The following RPL5 variants were observed in gnomAD, a reference collection of about 807,000 sequenced individuals.
RPL5 encodes ribosomal protein L5.
A neutral mutation model predicts 38.4 loss-of-function variants in RPL5; 1 was observed. That is an observed-to-expected ratio of 0.03 (90% CI 0.01 to 0.12). The LOEUF (loss-of-function observed/expected upper bound fraction) is 0.12. Ranked by LOEUF, RPL5 falls within the 10% of genes least tolerant of loss-of-function variation. The pLI is 1.00. For missense variants in RPL5, 243 were observed against 374.1 expected, an observed-to-expected ratio of 0.65 and a Z score of 2.89; for synonymous variants, 109 against 121.2, an observed-to-expected ratio of 0.90 and a Z score of 0.66.
chr1:92,838,815 G>C (rs573336666), intron 6 of RPL5, among the ~76,000 whole-genome samples: 1 of 152,348 alleles, frequency 6.6e-6, no homozygotes, highest in African/African-American at 2.4e-5. Flanking sequence ...CTATAATAGA[G>C]TGCTAAAAGA....
In RPL5 at chr1:92,832,130, C is replaced by G; in HGVS notation, c.3+13C>G. 7 of 1,614,058 alleles carry G rather than the reference C, an allele frequency of 4.3e-6. No homozygotes were observed. Among genetic ancestry groups the G allele is most frequent in the Non-Finnish European group, 5.9e-6 (7 of 1,179,972 alleles). On this transcript the variant is annotated intron_variant, in intron 1 of 7. Coordinates refer to ENST00000370321, the MANE Select transcript of RPL5 (RefSeq NM_000969.5). ...GTTCCGCAGGATGGTGAGTGGATGCCTCGGTCTCGGGGCTTTAGATGCATG... is the reference window on the plus strand; with the variant it reads ...GTTCCGCAGGATGGTGAGTGGATGCGTCGGTCTCGGGGCTTTAGATGCATG...
In RPL5 at chr1:92,836,459, T is replaced by G. The variant is rs146547491; in HGVS notation, c.527+67T>G. The G allele has an allele frequency of 5.1e-4, 732 of 1,427,336 alleles. 2 individuals carry two copies. Among genetic ancestry groups the G allele is most frequent in the Non-Finnish European group, 6.9e-4 (694 of 1,011,690 alleles). 88.4% of individuals were successfully genotyped at this position (1,427,336 alleles called of 1,614,324 possible). A position where few individuals can be genotyped will look rare whatever the true frequency, so the allele number is the denominator to read the frequency against. ...CTTCCCTGTTTTTAACTAGTTGGAC[T>G]GTGGAGATAACCGAATTAAAGTAGC... On this transcript the variant is annotated intron_variant, in intron 5 of 7. Transcript: ENST00000370321.
chr1:92,832,561 A>G (rs1686951520), intron 1 of RPL5, among the ~76,000 whole-genome samples: 1 of 152,128 alleles, frequency 6.6e-6, no homozygotes, highest in Admixed American at 6.5e-5. Context: ...AGAATGTCGG[A>G]GCCGGCAAGT....
rs1441314275 is a variant in RPL5, at chr1:92,836,195, C to T, written c.330C>T (p.Leu110=). 1.2e-6 allele frequency: 2 copies of T among 1,612,062 alleles called. No individual in the cohort carries two copies. The highest frequency in any genetic ancestry group is 2.2e-5 in the East Asian group (1 of 44,878). Residue 110 remains leucine (L), a synonymous_variant, in exon 5 of 8, where the codon CTC becomes CTT. Transcript: ENST00000370321. ...CTGLLLARRL[L]NRFGMDKIYE... ...TACATTGGTTTCTTGAATAGCTTCT[C>T]AATAGGTTTGGCATGGACAAGATCT...
chr1:92,835,582 C>T (rs1446283240), intron 4 of RPL5, among the ~76,000 whole-genome samples: 1 of 150,918 alleles, frequency 6.6e-6, no homozygotes, highest in African/African-American at 2.4e-5. Context: ...ATCACTTGAA[C>T]CCAGAAGGCA....
chr1:92,841,092 C>T (rs187936081), intron 7 of RPL5, among the ~76,000 whole-genome samples: 19 of 152,258 alleles, frequency 1.2e-4, no homozygotes, highest in African/African-American at 4.3e-4. Flanking sequence ...GTGAAATGTA[C>T]GATATTCTAT....
intron 4 of RPL5, 154 bp downstream of exon 4, chr1:92,835,067 C>T (rs1390571361): frequency 9.4e-7 from 1 of 1,059,784 alleles, no homozygotes; most frequent in Non-Finnish European, 1.4e-6. Flanking sequence ...CTATCTAGGT[C>T]AGCTCTTTCC....
At chr1:92,832,038 G>C, upstream of RPL5, 2 of 1,603,600 alleles carry the variant, frequency 1.2e-6, no homozygotes, top group East Asian at 2.2e-5. Flanking sequence ...AAGGGCTGTG[G>C]CCCTTTTCCC....
At chr1:92,841,572 C>A (rs1687364223) in intron 7 of RPL5, among the ~76,000 whole-genome samples, 194 bp from the exon 8 acceptor site, 1 of 152,140 alleles carries the variant, frequency 6.6e-6, no homozygotes, top group Non-Finnish European at 1.5e-5. Flanking sequence ...AGTAGGACAT[C>A]ACAGAAGTTG....
Position 92,837,432 on chromosome 1 carries a change from A to G in RPL5, c.528-24A>G, listed in dbSNP as rs1458899932. 3.1e-6 allele frequency: 5 copies of G among 1,602,404 alleles called. No homozygotes were observed. In the East Asian group the frequency reaches 1.1e-4, roughly 36 times the overall value. On this transcript the variant is annotated intron_variant, in intron 5 of 7. Coordinates refer to ENST00000370321, the MANE Select transcript of RPL5 (RefSeq NM_000969.5). ...AAACTAAGTTAAGTGAGTCTATACT[A>G]AAATATGAATAACTTTATTTTAGTA...
chr1:92,833,750 TG>T, intron 3 of RPL5, 90 bp downstream of exon 3: 2 of 997,848 alleles, frequency 2.0e-6, no homozygotes, highest in Non-Finnish European at 3.1e-6. Context: ...TTAGAAGGGC[TG>T]TCTAGCACCT....
intron 4 of RPL5, 39 bp from the exon 5 acceptor site, chr1:92,836,151 A>C: frequency 6.4e-7 from 1 of 1,565,368 alleles, no homozygotes; most frequent in Non-Finnish European, 8.8e-7. Flanking sequence ...GAGCAGTTTG[A>C]ATAATTGAAA....
Position 92,836,300 on chromosome 1 carries a change from T to C in RPL5, c.435T>C (p.Tyr145=), listed in dbSNP as rs188046229. ...GTCAGCCAGGTGCCTTCACCTGCTA[T>C]TTGGATGCAGGCCTTGCCAGAACTA... ...IDGQPGAFTC[Y]LDAGLARTTT... The change falls in exon 5 of 8, where the codon TAT becomes TAC. Residue 145 remains tyrosine, a synonymous_variant. Transcript: ENST00000370321. 24 of 1,614,154 alleles carry C rather than the reference T, an allele frequency of 1.5e-5. No homozygotes were observed. In the East Asian group the frequency reaches 4.9e-4, roughly 33 times the overall value.
At chr1:92,838,400 G>T (rs763043623) in intron 6 of RPL5, among the ~76,000 whole-genome samples, 1 of 152,156 alleles carries the variant, frequency 6.6e-6, no homozygotes, top group Non-Finnish European at 1.5e-5. Context: ...TTTGGATTAT[G>T]ATTCTACTAG....
At chr1:92,840,167 T>C (rs2100695739) in intron 6 of RPL5, 1 of 258,314 alleles carries the variant, frequency 3.9e-6, no homozygotes, top group South Asian at 4.5e-5. Flanking sequence ...CCATTAATAA[T>C]TGCCACCTGG....
At chr1:92,834,103 A>G (rs1161570336) in intron 3 of RPL5, among the ~76,000 whole-genome samples, 4 of 152,140 alleles carry the variant, frequency 2.6e-5, no homozygotes, top group African/African-American at 7.2e-5. Context: ...AACCTAGTTT[A>G]TGTGTGTGGG....
Position 92,833,529 on chromosome 1 carries a change from TA to T in RPL5, c.74-15del. 1 of 1,612,754 alleles carries T rather than the reference TA, an allele frequency of 6.2e-7. No homozygotes were observed. Among genetic ancestry groups the T allele is most frequent in the Non-Finnish European group, 8.5e-7 (1 of 1,178,802 alleles). ...TGCAGTGGAGTATCCTTTCTACAAT[TA>T]TTTTTTTCTTTCAGAGGGTAAAACT... is the stretch of plus-strand genomic sequence containing the variant. On this transcript the variant is annotated splice_polypyrimidine_tract_variant and intron_variant, in intron 2 of 7. Coordinates refer to ENST00000370321, the MANE Select transcript of RPL5 (RefSeq NM_000969.5).
At chr1:92,834,023 C>T (rs1410802225) in intron 3 of RPL5, 9 of 304,916 alleles carry the variant, frequency 3.0e-5, no homozygotes, top group East Asian at 2.6e-4. Flanking sequence ...GTTTGAGCCC[C>T]GAGGTTGAGG....
rs1446214511 is a variant in RPL5 at position 92,841,814 on chromosome 1, T to G, written c.843T>G (p.Ala281=). 2 of 1,611,764 alleles carry G rather than the reference T, an allele frequency of 1.2e-6. No homozygotes were observed. Among genetic ancestry groups the G allele is most frequent in the African/African-American group, 2.7e-5 (2 of 74,830 alleles). Residue 281 remains alanine, a synonymous_variant, in exon 8 of 8, where the codon GCT becomes GCG. Coordinates refer to ENST00000370321, the MANE Select transcript of RPL5 (RefSeq NM_000969.5). ...TTGCTCAGAAGAAGGATCGGGTAGC[T>G]CAAAAGAAGGCAAGCTTCCTCAGAG... is the stretch of plus-strand genomic sequence containing the variant. ...MSLAQKKDRV[A]QKKASFLRAQ... is the part of the protein sequence containing the mutation.
Sources: gnomAD v4.1 joint callset for allele counts (sites outside exome capture counted in the v4.1 genomes callset) on GRCh38, gnomAD v4.1.1 for gene constraint, MANE v1.5 for transcripts, NCBI Gene and HGNC (gene_info 2026-07-23, HGNC 2026-07-21) for gene names.